XKR4: variants seen among roughly 807,000 people sequenced by gnomAD.
The protein encoded by XKR4 is XK-related protein 4.
In XKR4, 12 loss-of-function variants were observed where a neutral mutation model predicts 53.9. The ratio of observed to expected loss-of-function variants is 0.22; its 90% CI spans 0.14 to 0.36. The LOEUF (loss-of-function observed/expected upper bound fraction) is 0.36, where lower values mean the gene tolerates loss of function less well. Among genes scored for constraint, XKR4 ranks in the 10% least tolerant of loss-of-function variants. The pLI is 1.00. For synonymous variants in XKR4, 354 were observed against 362.4 expected, an observed-to-expected ratio of 0.98 and a Z score of 0.26; for missense variants, 799 against 859.5, an observed-to-expected ratio of 0.93 and a Z score of 0.88.
chr8:55,439,322 G>A (rs779506551), intron 2 of XKR4, among the ~76,000 whole-genome samples: 12 of 79,956 alleles, frequency 1.5e-4, no homozygotes, highest in African/African-American at 4.2e-4. Context: ...AAGAAGATGC[G>A]CTCCTTCCCA....
intron 1 of XKR4, among the ~76,000 whole-genome samples, chr8:55,285,576 G>T (rs887917197): frequency 6.6e-6 from 1 of 152,176 alleles, no homozygotes; most frequent in Non-Finnish European, 1.5e-5. Flanking sequence ...TATATTTAGA[G>T]CAAGGCTTGC....
chr8:55,496,081 G>A (rs1563366392), intron 2 of XKR4, among the ~76,000 whole-genome samples: 1 of 152,164 alleles, frequency 6.6e-6, no homozygotes, highest in Non-Finnish European at 1.5e-5. Flanking sequence ...TTGCCAAGAG[G>A]GCTTTGACGA....
chr8:55,469,230 G>A (rs779587554), intron 2 of XKR4, among the ~76,000 whole-genome samples: 14 of 152,054 alleles, frequency 9.2e-5, no homozygotes, highest in South Asian at 4.1e-4. Flanking sequence ...TTCCTGATAC[G>A]GTAACTCCAC....
chr8:55,117,346 A>G (rs894782393), intron 1 of XKR4, among the ~76,000 whole-genome samples: 3 of 152,220 alleles, frequency 2.0e-5, no homozygotes, highest in Non-Finnish European at 2.9e-5. Context: ...GGATTTTGCA[A>G]ATAAGATTAG....
At chr8:55,427,896 A>C (rs185280515) in intron 2 of XKR4, among the ~76,000 whole-genome samples, 2 of 152,316 alleles carry the variant, frequency 1.3e-5, no homozygotes, top group East Asian at 3.9e-4. Flanking sequence ...TCATTACCCT[A>C]ATCTGCAGAT....
intron 1 of XKR4, among the ~76,000 whole-genome samples, chr8:55,355,550 C>T (rs764359397): frequency 5.3e-5 from 8 of 151,996 alleles, no homozygotes; most frequent in African/African-American, 7.3e-5. Context: ...GCAGAACAGC[C>T]GATATCAAGG....
intron 1 of XKR4, among the ~76,000 whole-genome samples, chr8:55,169,352 A>G (rs1817118070): frequency 6.6e-6 from 1 of 152,252 alleles, no homozygotes; most frequent in East Asian, 1.9e-4. Flanking sequence ...GGCAGGTAAA[A>G]TGGCAGTAAT....
Position 55,531,396 on chromosome 8 carries a change from CATAT to C in XKR4, c.*7170_*7173del, listed in dbSNP as rs544316840. ...TATTATTGTCTTATGGGATCGCTGT[CATAT>C]GTGCAGTCTATTATTGACCAAAATG... On this transcript the variant is annotated 3_prime_UTR_variant, in exon 3 of 3. Coordinates refer to ENST00000327381, the MANE Select transcript of XKR4 (RefSeq NM_052898.2). 52 of 152,040 alleles carry C rather than the reference CATAT, an allele frequency of 3.4e-4. No individual in the cohort carries two copies. The highest frequency in any genetic ancestry group is 5.7e-4 in the Non-Finnish European group (39 of 68,004). The allele number at this position is 152,040 out of a possible 1,614,324, so 9.4% of individuals were successfully genotyped here.
intron 2 of XKR4, among the ~76,000 whole-genome samples, chr8:55,407,225 G>A (rs1804697042): frequency 6.8e-6 from 1 of 147,274 alleles, no homozygotes; most frequent in African/African-American, 2.7e-5. Context: ...AGAACTTGGG[G>A]CCAGCCTCGC....
chr8:55,252,003 G>C (rs1818368791), intron 1 of XKR4, among the ~76,000 whole-genome samples: 1 of 152,192 alleles, frequency 6.6e-6, no homozygotes, highest in Admixed American at 6.5e-5. Context: ...ATGAGTACCA[G>C]AGCATTTGTA....
chr8:55,403,411 T>C (rs779648391), intron 2 of XKR4, among the ~76,000 whole-genome samples: 2 of 152,354 alleles, frequency 1.3e-5, no homozygotes, highest in East Asian at 1.9e-4. Context: ...GATAAGTGAA[T>C]TGGAAGTAAC....
At chr8:55,480,721 A>C (rs528720332) in intron 2 of XKR4, among the ~76,000 whole-genome samples, 1 of 147,026 alleles carries the variant, frequency 6.8e-6, no homozygotes, top group South Asian at 2.1e-4. Flanking sequence ...ATACAAAATC[A>C]ATGTACAAAA....
chr8:55,431,897 A>T (rs1244275051), intron 2 of XKR4, among the ~76,000 whole-genome samples: 1 of 152,220 alleles, frequency 6.6e-6, no homozygotes, highest in East Asian at 1.9e-4. Flanking sequence ...CATGGACTGG[A>T]AGAGCAAACC....
chr8:55,417,889 C>T (rs1404844022), intron 2 of XKR4, among the ~76,000 whole-genome samples: 2 of 152,104 alleles, frequency 1.3e-5, no homozygotes, highest in African/African-American at 4.8e-5. Flanking sequence ...ATTGGCTACA[C>T]CAAGAAGAAA....
chr8:55,463,171 C>T (rs1481421340), intron 2 of XKR4, among the ~76,000 whole-genome samples: 2 of 152,294 alleles, frequency 1.3e-5, no homozygotes, highest in Middle Eastern at 6.8e-3. Flanking sequence ...ACAGAATATA[C>T]ATTCTTTTCA....
intron 1 of XKR4, among the ~76,000 whole-genome samples, chr8:55,237,163 G>A (rs533549021): frequency 1.1e-4 from 17 of 152,164 alleles, no homozygotes; most frequent in East Asian, 1.9e-4. Context: ...ACTCTCCTTC[G>A]CGGAGATGAA....
At chr8:55,456,172 C>T (rs1018721166) in intron 2 of XKR4, among the ~76,000 whole-genome samples, 1 of 152,194 alleles carries the variant, frequency 6.6e-6, no homozygotes, top group African/African-American at 2.4e-5. Flanking sequence ...TGGCTCACAC[C>T]TGTAATCCCA....
At chr8:55,352,202 G>A (rs1367248703) in intron 1 of XKR4, among the ~76,000 whole-genome samples, 12 of 152,196 alleles carry the variant, frequency 7.9e-5, no homozygotes, top group Admixed American at 7.9e-4. Flanking sequence ...GGGGAGAGAG[G>A]CCAAGGGAGA....
intron 2 of XKR4, among the ~76,000 whole-genome samples, chr8:55,411,512 G>A (rs1048014557): frequency 2.0e-5 from 3 of 152,206 alleles, no homozygotes; most frequent in African/African-American, 4.8e-5. Flanking sequence ...CGAGTCACAC[G>A]CAGAGAATCT....
Sources: allele counts gnomAD v4.1 joint callset (sites outside exome capture counted in the v4.1 genomes callset), GRCh38; gene constraint gnomAD v4.1.1; transcripts MANE v1.5; gene names NCBI Gene and HGNC (gene_info 2026-07-23, HGNC 2026-07-21).